The following IKZF3 variants were observed in gnomAD, a reference collection of about 807,000 sequenced individuals.
The protein encoded by IKZF3 is zinc finger protein Aiolos.
A neutral mutation model predicts 49.0 loss-of-function variants in IKZF3; 10 were observed. That is an observed-to-expected ratio of 0.20 (90% CI 0.13 to 0.35). IKZF3 has a LOEUF of 0.35. Ranked by LOEUF, IKZF3 falls within the 10% of genes least tolerant of loss-of-function variation. The pLI is 1.00. For missense variants in IKZF3, 498 were observed against 664.8 expected (o/e 0.75, Z 2.76); for synonymous variants, 209 against 228.2 (o/e 0.92, Z 0.76).
intron 3 of IKZF3, among the ~76,000 whole-genome samples, chr17:39,827,156 C>T (rs2061979385): frequency 6.6e-6 from 1 of 152,168 alleles, no homozygotes; most frequent in South Asian, 2.1e-4. Context: ...TACCGCCACA[C>T]CTGGCTAATT....
At chr17:39,805,617 G>A (rs1355103769) in intron 3 of IKZF3, among the ~76,000 whole-genome samples, 1 of 152,152 alleles carries the variant, frequency 6.6e-6, no homozygotes, top group Admixed American at 6.5e-5. Flanking sequence ...TTAGAGCACT[G>A]AGAAATAATA....
chr17:39,830,848 G>A (rs918646853), intron 2 of IKZF3, among the ~76,000 whole-genome samples: 1 of 152,262 alleles, frequency 6.6e-6, no homozygotes, highest in East Asian at 1.9e-4. Context: ...CCAAACACAC[G>A]CGGGAGCGAA....
intron 3 of IKZF3, among the ~76,000 whole-genome samples, chr17:39,814,977 C>T (rs149302787): frequency 6.6e-6 from 1 of 152,190 alleles, no homozygotes; most frequent in Admixed American, 6.5e-5. Flanking sequence ...GTACTTTTTA[C>T]CCCTACAGCA....
chr17:39,801,374 T>C (rs912636370), intron 3 of IKZF3, among the ~76,000 whole-genome samples: 2 of 149,326 alleles, frequency 1.3e-5, no homozygotes, highest in Non-Finnish European at 3.0e-5. Flanking sequence ...GGGGCTTTTC[T>C]AGCACGCCAT....
At chr17:39,820,776 A>G (rs1467851949) in intron 3 of IKZF3, among the ~76,000 whole-genome samples, 1 of 152,148 alleles carries the variant, frequency 6.6e-6, no homozygotes, top group South Asian at 2.1e-4. Context: ...CTCAGGATGG[A>G]GCTGTTCACC....
intron 7 of IKZF3, among the ~76,000 whole-genome samples, chr17:39,774,151 C>A (rs535191320): frequency 1.3e-5 from 2 of 152,130 alleles, no homozygotes; most frequent in African/African-American, 4.8e-5. Flanking sequence ...GAGATAGCAG[C>A]GGGCTGACCT....
At chr17:39,854,758 T>A (rs554438904) in intron 1 of IKZF3, among the ~76,000 whole-genome samples, 2 of 152,086 alleles carry the variant, frequency 1.3e-5, no homozygotes, top group African/African-American at 4.8e-5. Flanking sequence ...TTTGGACTTG[T>A]TGAGTTGGAA....
Position 39,764,825 on chromosome 17 carries a change from C to A in IKZF3, c.*965G>T, listed in dbSNP as rs149791960. On this transcript the variant is annotated 3_prime_UTR_variant, in exon 8 of 8. Transcript: ENST00000346872. ...TTCCTCTCCTGTGGGGAGGGGGAGG[C>A]TGAGCCATACTTTTTGGACTTTTTT... 1 of 152,242 alleles carries A rather than the reference C, an allele frequency of 6.6e-6. No individual in the cohort carries two copies. Among genetic ancestry groups the A allele is most frequent in the Non-Finnish European group, 1.5e-5 (1 of 68,042 alleles). The allele number at this position is 152,242 out of a possible 1,614,324, so 9.4% of individuals were successfully genotyped here. A position where few individuals can be genotyped will look rare whatever the true frequency, so the allele number is the denominator to read the frequency against.
At chr17:39,822,421 G>A (rs749041431) in intron 3 of IKZF3, among the ~76,000 whole-genome samples, 8 of 151,998 alleles carry the variant, frequency 5.3e-5, no homozygotes, top group Non-Finnish European at 1.0e-4. Context: ...ATGAGTATCC[G>A]ATATTTCCCC....
chr17:39,839,980 C>T (rs2062418558), intron 1 of IKZF3, among the ~76,000 whole-genome samples: 1 of 151,928 alleles, frequency 6.6e-6, no homozygotes, highest in Admixed American at 6.6e-5. Context: ...ACTTTTTAAA[C>T]CTTGCAACTA....
chr17:39,812,420 G>T (rs537388094), intron 3 of IKZF3, among the ~76,000 whole-genome samples: 1 of 152,242 alleles, frequency 6.6e-6, no homozygotes, highest in South Asian at 2.1e-4. Flanking sequence ...TTAACAACCA[G>T]CTCAGGATCG....
At chr17:39,775,865 G>A (rs1351279555) in intron 7 of IKZF3, among the ~76,000 whole-genome samples, 3 of 151,498 alleles carry the variant, frequency 2.0e-5, no homozygotes, top group Non-Finnish European at 4.4e-5. Context: ...CAGAGGTTGC[G>A]GTGAGCCGAG....
intron 1 of IKZF3, among the ~76,000 whole-genome samples, chr17:39,838,625 T>C (rs775667745): frequency 2.0e-5 from 3 of 152,208 alleles, no homozygotes; most frequent in Non-Finnish European, 4.4e-5. Flanking sequence ...GTAATTACTA[T>C]AGTTTATACA....
At chr17:39,849,922 G>A (rs1464189455) in intron 1 of IKZF3, among the ~76,000 whole-genome samples, 2 of 151,032 alleles carry the variant, frequency 1.3e-5, no homozygotes, top group East Asian at 3.9e-4. Context: ...CTAGTGGGAG[G>A]GTAAACTGAT....
At chr17:39,796,633 C>G (rs939590123) in intron 3 of IKZF3, among the ~76,000 whole-genome samples, 3 of 150,704 alleles carry the variant, frequency 2.0e-5, no homozygotes, top group East Asian at 2.0e-4. Flanking sequence ...CTCTGCCTCC[C>G]TGGTTCAAGC....
intron 1 of IKZF3, 43 bp downstream of exon 1, chr17:39,864,077 T>A: frequency 6.2e-7 from 1 of 1,612,932 alleles, no homozygotes; most frequent in Non-Finnish European, 8.5e-7. Context: ...ACAGGTTAAG[T>A]TTCTCAAAGA....
intron 6 of IKZF3, among the ~76,000 whole-genome samples, chr17:39,783,316 G>A (rs189069190): frequency 5.0e-4 from 76 of 152,260 alleles, no homozygotes; most frequent in African/African-American, 1.7e-3. Context: ...AATACTACCT[G>A]TGAGATAGCA....
intron 5 of IKZF3, among the ~76,000 whole-genome samples, chr17:39,790,965 AAGT>A (rs977290831): frequency 2.0e-5 from 3 of 152,182 alleles, no homozygotes; most frequent in African/African-American, 7.2e-5. Flanking sequence ...AATGGCCAAA[AAGT>A]AGCCCCCAAA....
chr17:39,798,081 T>A (rs1231612767), intron 3 of IKZF3, among the ~76,000 whole-genome samples: 2 of 152,132 alleles, frequency 1.3e-5, no homozygotes, highest in African/African-American at 4.8e-5. Context: ...TATCTGTGTA[T>A]CCAATCTCTA....
Sources: gnomAD v4.1 joint callset for allele counts (sites outside exome capture counted in the v4.1 genomes callset) on GRCh38, gnomAD v4.1.1 for gene constraint, MANE v1.5 for transcripts, NCBI Gene and HGNC (gene_info 2026-07-23, HGNC 2026-07-21) for gene names.